TTBK2: variants seen among roughly 807,000 people sequenced by gnomAD.
The protein encoded by TTBK2 is tau-tubulin kinase 2.
Under a neutral mutation model 110.8 loss-of-function variants are expected in TTBK2, and 28 were observed. That is an observed-to-expected ratio of 0.25 (90% CI 0.19 to 0.35). The LOEUF is 0.35. TTBK2 is among the 10% of genes least tolerant of loss of function. The pLI is 1.00. For missense variants in TTBK2, 1,369 were observed against 1,500.3 expected, an observed-to-expected ratio of 0.91 and a Z score of 1.45; for synonymous variants, 532 against 527.3, an observed-to-expected ratio of 1.01 and a Z score of -0.12.
At chr15:42,746,373 G>T in intron 14 of TTBK2, 116 bp from the exon 15 acceptor site, 1 of 805,320 alleles carries the variant, frequency 1.2e-6, no homozygotes, top group Non-Finnish European at 2.0e-6. Context: ...TAGACTAACA[G>T]GATACAGGGT....
At chr15:42,885,315 C>T (rs371573460) in intron 1 of TTBK2, among the ~76,000 whole-genome samples, 3 of 152,222 alleles carry the variant, frequency 2.0e-5, no homozygotes, top group Non-Finnish European at 4.4e-5. Context: ...AACATCTCAC[C>T]GATTTTAAAT....
At position 42,883,878 on chromosome 15, in the gene TTBK2, AAAT is replaced by A. The variant is rs1413248399; in HGVS notation, c.-67-5197_-67-5195del. Among the ~76,000 whole-genome samples, 9 of 152,242 alleles carry A rather than the reference AAAT, an allele frequency of 5.9e-5. No homozygotes were observed. The East Asian group carries it at 1.5e-3, about 26-fold the overall frequency. ...AGTGAATATACTTAAATACCACTGA[AAAT>A]AATAACAAAAATAATACTATTATTA... On this transcript the variant is annotated intron_variant, in intron 1 of 14. Transcript: ENST00000267890.
At chr15:42,862,847 C>T (rs1461135009) in intron 3 of TTBK2, among the ~76,000 whole-genome samples, 1 of 152,114 alleles carries the variant, frequency 6.6e-6, no homozygotes, top group African/African-American at 2.4e-5. Context: ...GAGATCGCAC[C>T]ATTACACTCC....
In TTBK2 at chr15:42,752,179, A is replaced by G; in HGVS notation, c.3067T>C (p.Phe1023Leu). 6.2e-7 allele frequency: 1 copy of G among 1,614,230 alleles called. No homozygotes were observed. The highest frequency in any genetic ancestry group is 1.3e-5 in the African/African-American group (1 of 75,060). ...PFCEEEVLTP[F>L]SRLTVDSHLS... is the part of the protein sequence containing the mutation. ...TGAGAATCTACTGTCAGTCTTGAAA[A>G]GGGAGTGAGCACTTCCTCCTCACAA... Residue 1023 changes from phenylalanine to leucine, a missense_variant, in exon 14 of 15, where the codon TTT becomes CTT. By Grantham distance (22) the Phe-to-Leu change is conservative. This residue lies in a region of TTBK2 where 1,097 missense variants were observed against 1,114.7 expected (regional missense o/e 0.98). Coordinates refer to ENST00000267890, the MANE Select transcript of TTBK2 (RefSeq NM_173500.4).
chr15:42,838,386 G>A (rs1001051224), intron 4 of TTBK2, among the ~76,000 whole-genome samples: 1 of 151,888 alleles, frequency 6.6e-6, no homozygotes, highest in African/African-American at 2.4e-5. Flanking sequence ...GTGTATGTGT[G>A]TGTTTTCAGG....
Position 42,745,975 on chromosome 15 carries a change from C to T in TTBK2, c.3555G>A (p.Leu1185=). ...GGCTGGGAGGTGACTTGCTTCTCCC[C>T]AGATGTGGGGACGAACTCCTCTGGT... is the stretch of plus-strand genomic sequence containing the variant. The part of the protein sequence containing the change: ...HHDQRSSSPH[L]GRSKSPPSHS... Residue 1185 remains leucine, a synonymous_variant, in exon 15 of 15, where the codon CTG becomes CTA. Coordinates refer to ENST00000267890, the MANE Select transcript of TTBK2 (RefSeq NM_173500.4). The T allele has an allele frequency of 1.2e-6, 2 of 1,613,970 alleles. No homozygotes were observed. The highest frequency in any genetic ancestry group is 1.7e-6 in the Non-Finnish European group (2 of 1,179,978).
intron 13 of TTBK2, among the ~76,000 whole-genome samples, chr15:42,769,546 A>G (rs1433455004): frequency 1.3e-5 from 2 of 152,222 alleles, no homozygotes; most frequent in Non-Finnish European, 1.5e-5. Flanking sequence ...ATGCAAATCA[A>G]AACCACAGTG....
intron 9 of TTBK2, among the ~76,000 whole-genome samples, chr15:42,802,935 C>A (rs1269928103): frequency 6.6e-6 from 1 of 152,160 alleles, no homozygotes; most frequent in East Asian, 1.9e-4. Context: ...CTGGCGTAGC[C>A]TCCCAGCCTA....
chr15:42,778,784 T>C (rs1162634021), intron 11 of TTBK2, among the ~76,000 whole-genome samples: 4 of 152,298 alleles, frequency 2.6e-5, no homozygotes, highest in Middle Eastern at 3.4e-3. Flanking sequence ...TATGTCTAAC[T>C]GGAGTCCTAG....
intron 1 of TTBK2, among the ~76,000 whole-genome samples, chr15:42,896,774 A>C (rs1258393595): frequency 1.3e-5 from 2 of 152,228 alleles, no homozygotes; most frequent in Non-Finnish European, 2.9e-5. Flanking sequence ...CAGCATGGGC[A>C]ATAGAGTGAG....
chr15:42,823,814 TGTGGCCCAGGGAAGCCAAAAGATTGG>T (rs938315255), intron 6 of TTBK2, among the ~76,000 whole-genome samples: 1 of 151,982 alleles, frequency 6.6e-6, no homozygotes, highest in African/African-American at 2.4e-5. Flanking sequence ...CTTCTTCCAA[TGTGGCCCAGGGAAGCCAAAAGATTGG>T]GCATCCTTGC....
chr15:42,846,350 C>T (rs757110145), intron 3 of TTBK2, among the ~76,000 whole-genome samples: 10 of 151,770 alleles, frequency 6.6e-5, no homozygotes, highest in Admixed American at 1.3e-4. Flanking sequence ...CCACCATGCC[C>T]GGCTAATTTT....
intron 1 of TTBK2, among the ~76,000 whole-genome samples, chr15:42,885,609 T>C (rs1160902007): frequency 6.6e-6 from 1 of 152,208 alleles, no homozygotes; most frequent in Non-Finnish European, 1.5e-5. Context: ...TCACCTGCCT[T>C]GGTCCTTCAC....
intron 13 of TTBK2, among the ~76,000 whole-genome samples, chr15:42,758,539 C>T (rs951296426): frequency 2.0e-5 from 3 of 151,444 alleles, no homozygotes; most frequent in African/African-American, 7.3e-5. Flanking sequence ...CCTGTAATCC[C>T]AGCTACTTGG....
intron 1 of TTBK2, among the ~76,000 whole-genome samples, chr15:42,893,680 C>A (rs1036071692): frequency 2.0e-5 from 3 of 146,628 alleles, no homozygotes; most frequent in Admixed American, 2.0e-4. Flanking sequence ...AAAAAAAAAT[C>A]AATGAGACCA....
In TTBK2 at chr15:42,741,341, G is replaced by C. The variant is rs970960809; in HGVS notation, c.*4454C>G. The C allele has an allele frequency of 3.9e-4, 60 of 152,218 alleles. No individual in the cohort carries two copies. Among genetic ancestry groups the C allele is most frequent in the African/African-American group, 1.4e-3 (60 of 41,460 alleles). 9.4% of individuals were successfully genotyped at this position (152,218 alleles called of 1,614,324 possible). A position where few individuals can be genotyped will look rare whatever the true frequency, so the allele number is the denominator to read the frequency against. ...TAAGTAAAGGTCTAAAAATGCACCT[G>C]TGGTTTCTGAACTTGGGTATACGCT... On this transcript the variant is annotated 3_prime_UTR_variant, in exon 15 of 15. Coordinates refer to ENST00000267890, the MANE Select transcript of TTBK2 (RefSeq NM_173500.4).
intron 9 of TTBK2, among the ~76,000 whole-genome samples, chr15:42,806,289 C>T (rs1299849397): frequency 6.6e-6 from 1 of 152,092 alleles, no homozygotes. Flanking sequence ...ACAAAATACA[C>T]TGATTTAAAA....
At chr15:42,848,583 C>T (rs911202935) in intron 3 of TTBK2, among the ~76,000 whole-genome samples, 1 of 151,988 alleles carries the variant, frequency 6.6e-6, no homozygotes, top group Non-Finnish European at 1.5e-5. Flanking sequence ...CTCCACCTCC[C>T]GGGTTAAAGC....
intron 1 of TTBK2, among the ~76,000 whole-genome samples, chr15:42,880,560 T>C (rs1300192442): frequency 6.6e-6 from 1 of 152,040 alleles, no homozygotes; most frequent in Non-Finnish European, 1.5e-5. Flanking sequence ...ATAACATTGT[T>C]TGTTTGTTTA....
Sources: allele counts gnomAD v4.1 joint callset (sites outside exome capture counted in the v4.1 genomes callset), GRCh38; gene constraint gnomAD v4.1.1; regional missense constraint gnomAD v4.1.1; transcripts MANE v1.5; gene names NCBI Gene and HGNC (gene_info 2026-07-23, HGNC 2026-07-21).